The following ADAMTSL1 variants were observed in gnomAD, a reference collection of about 807,000 sequenced individuals.
ADAMTSL1 encodes the protein ADAMTS like 1.
Under a neutral mutation model 201.8 loss-of-function variants are expected in ADAMTSL1, and 126 were observed. The observed-to-expected ratio is 0.62, with a 90% confidence interval of 0.54 to 0.72. The LOEUF (loss-of-function observed/expected upper bound fraction) is 0.72. ADAMTSL1 is among the 30% of genes least tolerant of loss of function. ADAMTSL1 has a pLI of 0.00. For synonymous variants in ADAMTSL1, 1,121 were observed against 903.4 expected (o/e 1.24, Z -4.32); for missense variants, 2,679 against 2,277.8 (o/e 1.18, Z -3.59).
intron 5 of ADAMTSL1, among the ~76,000 whole-genome samples, chr9:18,624,790 G>A (rs1826252113): frequency 1.3e-5 from 2 of 152,092 alleles, no homozygotes; most frequent in African/African-American, 4.8e-5. Context: ...TCATCTCCAA[G>A]TCTGCAAATA....
intron 12 of ADAMTSL1, among the ~76,000 whole-genome samples, 187 bp downstream of exon 12, chr9:18,682,146 A>G (rs573361366): frequency 6.6e-6 from 1 of 152,236 alleles, no homozygotes; most frequent in Admixed American, 6.5e-5. Context: ...GCAAAATTTC[A>G]TTAACCACTA....
chr9:18,830,699 G>A (rs1014486715), intron 23 of ADAMTSL1, among the ~76,000 whole-genome samples: 2 of 152,244 alleles, frequency 1.3e-5, no homozygotes, highest in African/African-American at 2.4e-5. Flanking sequence ...AGGTGGAAGA[G>A]AAGAATTCTT....
At chr9:17,974,248 C>T (rs1402161788) in intron 1 of ADAMTSL1, among the ~76,000 whole-genome samples, 2 of 151,706 alleles carry the variant, frequency 1.3e-5, no homozygotes, top group African/African-American at 2.4e-5. Flanking sequence ...CTGGCCAGGG[C>T]AATCAGGCAG....
intron 23 of ADAMTSL1, 95 bp downstream of exon 23, chr9:18,830,072 C>G: frequency 2.0e-6 from 3 of 1,470,108 alleles, no homozygotes; most frequent in Non-Finnish European, 2.7e-6. Context: ...AGGCAGCAGT[C>G]GGGGGTGGCC....
chr9:18,252,059 G>GA (rs1365331820), intron 2 of ADAMTSL1, among the ~76,000 whole-genome samples: 2 of 150,656 alleles, frequency 1.3e-5, no homozygotes, highest in Non-Finnish European at 3.0e-5. Flanking sequence ...GATACTAAAA[G>GA]AAAAAAAATG....
intron 2 of ADAMTSL1, among the ~76,000 whole-genome samples, chr9:18,208,379 G>C (rs1829739837): frequency 6.6e-6 from 1 of 152,100 alleles, no homozygotes; most frequent in Non-Finnish European, 1.5e-5. Context: ...AGGCGAGTCT[G>C]GGCATTGATG....
At chr9:18,111,528 C>T (rs1222692245) in intron 1 of ADAMTSL1, among the ~76,000 whole-genome samples, 2 of 151,902 alleles carry the variant, frequency 1.3e-5, no homozygotes, top group Non-Finnish European at 2.9e-5. Flanking sequence ...CATTTACTGC[C>T]AAAAAAGAAA....
At chr9:18,008,558 C>A (rs1371883249) in intron 1 of ADAMTSL1, among the ~76,000 whole-genome samples, 1 of 151,930 alleles carries the variant, frequency 6.6e-6, no homozygotes, top group Non-Finnish European at 1.5e-5. Flanking sequence ...ATTACTCATG[C>A]AGAAGGAGCC....
At chr9:17,956,762 C>G (rs1276535521) in intron 1 of ADAMTSL1, among the ~76,000 whole-genome samples, 1 of 152,140 alleles carries the variant, frequency 6.6e-6, no homozygotes, top group Non-Finnish European at 1.5e-5. Context: ...AATTTGCAGC[C>G]ATTGTTAATC....
intron 23 of ADAMTSL1, among the ~76,000 whole-genome samples, chr9:18,878,323 C>G (rs1007333207): frequency 6.6e-6 from 1 of 152,206 alleles, no homozygotes; most frequent in African/African-American, 2.4e-5. Flanking sequence ...ACTTCATATC[C>G]AGTCAAAATT....
chr9:18,148,696 C>G (rs1391759596), intron 1 of ADAMTSL1, among the ~76,000 whole-genome samples: 1 of 152,022 alleles, frequency 6.6e-6, no homozygotes, highest in Non-Finnish European at 1.5e-5. Context: ...TCAAATGACT[C>G]ATTAGCTAAT....
chr9:18,675,786 T>C, intron 9 of ADAMTSL1, 71 bp from the exon 10 acceptor site: 3 of 1,346,112 alleles, frequency 2.2e-6, no homozygotes, highest in Non-Finnish European at 3.1e-6. Context: ...ATTTGTATAA[T>C]GTAATCATTT....
At chr9:18,784,017 C>T (rs1408534437) in intron 19 of ADAMTSL1, among the ~76,000 whole-genome samples, 3 of 152,196 alleles carry the variant, frequency 2.0e-5, no homozygotes, top group East Asian at 3.9e-4. Context: ...TATCATTTGA[C>T]ATCCAGTTAT....
chr9:18,202,185 G>A (rs1037673210), intron 2 of ADAMTSL1, among the ~76,000 whole-genome samples: 3 of 152,126 alleles, frequency 2.0e-5, no homozygotes, highest in Non-Finnish European at 4.4e-5. Flanking sequence ...AATCGTTAGT[G>A]TAAAGTCAGA....
At chr9:18,332,524 C>T (rs1252540696) in intron 2 of ADAMTSL1, among the ~76,000 whole-genome samples, 2 of 152,058 alleles carry the variant, frequency 1.3e-5, no homozygotes, top group East Asian at 3.9e-4. Flanking sequence ...AATCATAGCC[C>T]CCTGCAGCCT....
At chr9:17,996,923 T>G (rs975799679) in intron 1 of ADAMTSL1, among the ~76,000 whole-genome samples, 7 of 152,170 alleles carry the variant, frequency 4.6e-5, no homozygotes, top group African/African-American at 1.7e-4. Context: ...ACAAACAATA[T>G]ACAAGTAATT....
chr9:18,476,629 T>G (rs2131780099), intron 1 of ADAMTSL1, among the ~76,000 whole-genome samples: 1 of 152,284 alleles, frequency 6.6e-6, no homozygotes, highest in Non-Finnish European at 1.5e-5. Flanking sequence ...ACCTTCAAAC[T>G]TGATAGAGAA....
chr9:18,906,740 G>C lies in ADAMTSL1; in HGVS notation c.5010G>C (p.Trp1670Cys). The change falls in exon 28 of 29, where the codon TGG (tryptophan) becomes TGC (cysteine). Residue 1670 changes from tryptophan to cysteine, a missense_variant. Trp to Cys is a radical substitution (Grantham distance 215). Coordinates refer to ENST00000380548, the MANE Select transcript of ADAMTSL1 (RefSeq NM_001040272.6). Reference sequence around the variant, plus strand: ...GGTCAGAGGCCTGCAGTGTACACTGGAGAGTCAGCCTGTGGACCCTGTGCA... The same window carrying C: ...GGTCAGAGGCCTGCAGTGTACACTGCAGAGTCAGCCTGTGGACCCTGTGCA... Reference protein sequence around the residue: ...NCWSEACSVHWRVSLWTLCTA... With the variant: ...NCWSEACSVHCRVSLWTLCTA... 2.5e-6 allele frequency: 4 copies of C among 1,613,234 alleles called. No individual in the cohort carries two copies. The highest frequency in any genetic ancestry group is 3.4e-6 in the Non-Finnish European group (4 of 1,179,544).
intron 23 of ADAMTSL1, among the ~76,000 whole-genome samples, chr9:18,839,482 C>T (rs1428842048): frequency 2.0e-5 from 3 of 152,088 alleles, no homozygotes; most frequent in South Asian, 2.1e-4. Context: ...TGAATAGTGC[C>T]GCAATAAACA....
Sources: gnomAD v4.1 joint callset for allele counts (sites outside exome capture counted in the v4.1 genomes callset) on GRCh38, gnomAD v4.1.1 for gene constraint, MANE v1.5 for transcripts, NCBI Gene and HGNC (gene_info 2026-07-23, HGNC 2026-07-21) for gene names.